Variants in SYT9 observed in about 807,000 individuals in gnomAD.
SYT9 encodes the protein synaptotagmin 9, also known as synaptotagmin-9.
SYT9 carries 22 observed loss-of-function variants against 48.4 expected under a neutral mutation model. The ratio of observed to expected loss-of-function variants is 0.45; its 90% CI spans 0.32 to 0.65. The LOEUF (loss-of-function observed/expected upper bound fraction) is 0.65, where lower values mean the gene tolerates loss of function less well. SYT9 is among the 30% of genes least tolerant of loss of function. The pLI, the probability that SYT9 is intolerant of heterozygous loss-of-function variation, is 0.03. For missense variants in SYT9, 577 were observed against 622.0 expected (o/e 0.93, Z 0.77); for synonymous variants, 265 against 245.0 (o/e 1.08, Z -0.76).
At position 7,368,731 on chromosome 11, in the gene SYT9, A is replaced by G. The variant is rs1303553930; in HGVS notation, c.1045-47311A>G. Among the ~76,000 whole-genome samples, 4 of 152,198 alleles carry G rather than the reference A, an allele frequency of 2.6e-5. No individual in the cohort carries two copies. In the East Asian group the frequency reaches 5.8e-4, roughly 22 times the overall value. On this transcript the variant is annotated intron_variant, in intron 3 of 6. Coordinates refer to ENST00000318881, the MANE Select transcript of SYT9 (RefSeq NM_175733.4). Reference sequence around the variant, plus strand: ...ATGGCTGTGTAGTATTCCATGGTGTATATGTGCCACATTTTCTTTATTCAG... The same window carrying G: ...ATGGCTGTGTAGTATTCCATGGTGTGTATGTGCCACATTTTCTTTATTCAG...
chr11:7,324,925 A>G (rs904908945), intron 3 of SYT9, among the ~76,000 whole-genome samples: 4 of 152,192 alleles, frequency 2.6e-5, no homozygotes, highest in Middle Eastern at 3.4e-3. Flanking sequence ...TGTGTTTTTC[A>G]TCTCCTACTA....
At chr11:7,333,802 G>T (rs948202356) in intron 3 of SYT9, among the ~76,000 whole-genome samples, 8 of 152,124 alleles carry the variant, frequency 5.3e-5, no homozygotes, top group African/African-American at 1.9e-4. Context: ...AAATGTTTTT[G>T]AATACTCACT....
chr11:7,377,037 A>C (rs1311154273), intron 3 of SYT9, among the ~76,000 whole-genome samples: 1 of 149,098 alleles, frequency 6.7e-6, no homozygotes, highest in Admixed American at 6.8e-5. Context: ...TTTATCTAGT[A>C]TGTAGATAAC....
intron 1 of SYT9, among the ~76,000 whole-genome samples, chr11:7,299,342 C>T (rs1848872940): frequency 2.6e-5 from 4 of 152,216 alleles, no homozygotes; most frequent in African/African-American, 9.6e-5. Context: ...TAGAAATGTA[C>T]TATCTAGAAG....
intron 1 of SYT9, among the ~76,000 whole-genome samples, chr11:7,262,498 G>T (rs1417623833): frequency 6.6e-6 from 1 of 152,042 alleles, no homozygotes; most frequent in Non-Finnish European, 1.5e-5. Context: ...CTAAGTTCTG[G>T]AACTGTCCAA....
intron 3 of SYT9, among the ~76,000 whole-genome samples, chr11:7,409,593 T>A (rs1487902950): frequency 6.6e-6 from 1 of 152,196 alleles, no homozygotes; most frequent in African/African-American, 2.4e-5. Context: ...CCTTATTCAA[T>A]CTTGGTAGCT....
chr11:7,338,199 G>T (rs908160692), intron 3 of SYT9, among the ~76,000 whole-genome samples: 1 of 152,098 alleles, frequency 6.6e-6, no homozygotes, highest in African/African-American at 2.4e-5. Context: ...TGTGGCATCT[G>T]TGGTTACATC....
In SYT9 at chr11:7,240,109, G is replaced by A. The variant is rs1210806330; in HGVS notation, c.49+1193G>A. On this transcript the variant is annotated intron_variant and NMD_transcript_variant, in intron 1 of 8. Transcript: ENST00000524820. ...GACAGTTAGAGGTCAGGTAGAAGAG[G>A]GGAAGCCAGTGAAAGACAAAGAAAG... 8.5e-5 allele frequency among the ~76,000 whole-genome samples: 13 copies of A among 152,056 alleles called. No homozygotes were observed. The East Asian group carries it at 2.1e-3, about 25-fold the overall frequency.
intron 1 of SYT9, among the ~76,000 whole-genome samples, chr11:7,293,408 T>G (rs1848728980): frequency 6.6e-6 from 1 of 152,194 alleles, no homozygotes; most frequent in Non-Finnish European, 1.5e-5. Context: ...GGTATGGCCC[T>G]GCAGACCCAA....
chr11:7,305,973 G>A (rs958739865), intron 2 of SYT9, among the ~76,000 whole-genome samples: 3 of 151,900 alleles, frequency 2.0e-5, no homozygotes, highest in Non-Finnish European at 2.9e-5. Context: ...CTAAAGATGG[G>A]CTTTGTTTTA....
At chr11:7,457,834 T>A (rs1357929352) in intron 6 of SYT9, 1 of 152,214 alleles carries the variant, frequency 6.6e-6, no homozygotes, top group African/African-American at 2.4e-5. Context: ...CATGACCATT[T>A]CCTCCAGAAA....
chr11:7,284,469 T>C (rs144439236), intron 1 of SYT9, among the ~76,000 whole-genome samples: 403 of 152,264 alleles, frequency 2.6e-3, no homozygotes, highest in African/African-American at 8.5e-3. Flanking sequence ...TGTCCTGATA[T>C]TAAATAGTGA....
At chr11:7,324,000 T>C (rs1441886309) in intron 3 of SYT9, among the ~76,000 whole-genome samples, 1 of 151,974 alleles carries the variant, frequency 6.6e-6, no homozygotes, top group Non-Finnish European at 1.5e-5. Flanking sequence ...TGTCATTTTG[T>C]GTATGATTGA....
intron 3 of SYT9, among the ~76,000 whole-genome samples, chr11:7,347,466 C>G (rs533334509): frequency 2.0e-5 from 3 of 152,050 alleles, no homozygotes; most frequent in African/African-American, 7.3e-5. Flanking sequence ...AACTCCTGAC[C>G]TCAGGCGATC....
chr11:7,252,248 C>T lies in SYT9; in HGVS notation c.62C>T (p.Ala21Val), dbSNP rs1847884029. 2 of 1,505,760 alleles carry T rather than the reference C, an allele frequency of 1.3e-6. No homozygotes were observed. Among genetic ancestry groups the T allele is most frequent in the South Asian group, 1.3e-5 (1 of 79,470 alleles). 93.3% of individuals were successfully genotyped at this position (1,505,760 alleles called of 1,614,324 possible). A position where few individuals can be genotyped will look rare whatever the true frequency, so the allele number is the denominator to read the frequency against. ...QALQLLAELC[A>V]RGALEHDSCQ... ...CTGCAGCTGCTGGCCGAGCTCTGTG[C>T]CCGTGGGGCCCTGGAGCACGACAGC... Residue 21 changes from alanine (A) to valine (V), a missense_variant, in exon 1 of 7, where the codon GCC (alanine) becomes GTC (valine). Physicochemically the swap from Ala to Val is moderately conservative, Grantham distance 64. Coordinates refer to ENST00000318881, the MANE Select transcript of SYT9 (RefSeq NM_175733.4). This position sits in a 1 kb window ranked among gnomAD's most constrained non-coding sequence, Gnocchi z 6.3.
chr11:7,381,480 G>A (rs1850563592), intron 3 of SYT9, among the ~76,000 whole-genome samples: 1 of 152,344 alleles, frequency 6.6e-6, no homozygotes, highest in Admixed American at 6.5e-5. Flanking sequence ...GCCCTGTGGT[G>A]AAGCTCTGCC....
chr11:7,420,376 G>A, intron 5 of SYT9, 130 bp from the exon 6 acceptor site: 1 of 1,217,842 alleles, frequency 8.2e-7, no homozygotes, highest in Non-Finnish European at 1.1e-6. Context: ...TTTTAAGTGA[G>A]GAAATGAAAA....
intron 3 of SYT9, among the ~76,000 whole-genome samples, chr11:7,348,442 A>G (rs951333768): frequency 6.6e-6 from 1 of 152,130 alleles, no homozygotes; most frequent in Non-Finnish European, 1.5e-5. Context: ...CTTTCTTAAC[A>G]CACTGGGTTG....
intron 3 of SYT9, among the ~76,000 whole-genome samples, chr11:7,336,034 T>A (rs1849625570): frequency 6.6e-6 from 1 of 152,210 alleles, no homozygotes; most frequent in South Asian, 2.1e-4. Context: ...TAGTAGCCAT[T>A]CTGACTGGCA....
Sources: allele counts gnomAD v4.1 joint callset (sites outside exome capture counted in the v4.1 genomes callset), GRCh38; gene constraint gnomAD v4.1.1; non-coding constraint Gnocchi (gnomAD v3.1); transcripts MANE v1.5; gene names NCBI Gene and HGNC (gene_info 2026-07-23, HGNC 2026-07-21).